TPRG1: variants seen among roughly 807,000 people sequenced by gnomAD.
TPRG1 encodes the protein tumor protein p63 regulated 1.
A neutral mutation model predicts 29.3 loss-of-function variants in TPRG1; 29 were observed. That is an observed-to-expected ratio of 0.99 (90% CI 0.74 to 1.35). The LOEUF (loss-of-function observed/expected upper bound fraction) is 1.35. Ranked by LOEUF, TPRG1 falls within the 40% of genes most tolerant of loss-of-function variation. TPRG1 has a pLI of 0.00. For missense variants in TPRG1, 327 were observed against 335.0 expected (o/e 0.98, Z 0.19); for synonymous variants, 130 against 116.8 (o/e 1.11, Z -0.73).
chr3:189,009,902 T>A (rs2152122546), intron 3 of TPRG1, among the ~76,000 whole-genome samples: 1 of 152,020 alleles, frequency 6.6e-6, no homozygotes, highest in East Asian at 1.9e-4. Context: ...ATCACCCAGG[T>A]ATCAAGCCCA....
intron 1 of TPRG1, among the ~76,000 whole-genome samples, chr3:189,175,344 T>C (rs9850540): frequency 0.5 from 75,931 of 151,946 alleles, 19,192 homozygotes; most frequent in African/African-American, 0.57. Flanking sequence ...TCAATACTAT[T>C]TGAAGTATAT....
At chr3:189,186,345 T>G (rs1410081630) in intron 1 of TPRG1, among the ~76,000 whole-genome samples, 3 of 152,218 alleles carry the variant, frequency 2.0e-5, no homozygotes, top group African/African-American at 7.2e-5. Flanking sequence ...CTCTCTGAAG[T>G]GCTGATCTCA....
At chr3:189,147,958 C>G (rs2108590350) in intron 4 of TPRG1, among the ~76,000 whole-genome samples, 1 of 152,286 alleles carries the variant, frequency 6.6e-6, no homozygotes, top group South Asian at 2.1e-4. Context: ...GTTTCTCTGT[C>G]TTGGAACACA....
intron 4 of TPRG1, among the ~76,000 whole-genome samples, chr3:189,064,282 A>G (rs770020353): frequency 3.5e-4 from 53 of 152,136 alleles, no homozygotes; most frequent in Non-Finnish European, 6.0e-4. Flanking sequence ...TCAAGGTCCC[A>G]AGTGTTTAAA....
chr3:189,165,132 G>A (rs1431498824), intron 5 of TPRG1, among the ~76,000 whole-genome samples: 6 of 152,112 alleles, frequency 3.9e-5, no homozygotes, highest in African/African-American at 1.4e-4. Context: ...TTGGGATGGA[G>A]GGTAATGAAA....
At chr3:189,161,235 G>A (rs1158937255) in intron 5 of TPRG1, among the ~76,000 whole-genome samples, 1 of 152,218 alleles carries the variant, frequency 6.6e-6, no homozygotes, top group East Asian at 1.9e-4. Context: ...GTTAGGGCTG[G>A]AGGGAACAGG....
At chr3:189,267,973 T>A (rs1236595473) in intron 4 of TPRG1, among the ~76,000 whole-genome samples, 1 of 152,124 alleles carries the variant, frequency 6.6e-6, no homozygotes, top group African/African-American at 2.4e-5. Context: ...TGCCTGATCT[T>A]GGTGTGGAAA....
At chr3:189,211,227 T>A (rs1289985275) in intron 2 of TPRG1, among the ~76,000 whole-genome samples, 1 of 152,224 alleles carries the variant, frequency 6.6e-6, no homozygotes, top group African/African-American at 2.4e-5. Context: ...GGGAATATAC[T>A]ATAATTTATT....
At chr3:189,093,647 T>G (rs959085777) in intron 4 of TPRG1, among the ~76,000 whole-genome samples, 6 of 152,232 alleles carry the variant, frequency 3.9e-5, no homozygotes, top group Admixed American at 2.6e-4. Flanking sequence ...GCTATTTCCT[T>G]TCATTTTCAG....
At chr3:189,136,766 C>T (rs1404243128) in intron 3 of TPRG1, among the ~76,000 whole-genome samples, 1 of 152,108 alleles carries the variant, frequency 6.6e-6, no homozygotes, top group Non-Finnish European at 1.5e-5. Flanking sequence ...AGATAAATGA[C>T]TCTTCAGTTT....
At chr3:189,086,251 C>T (rs560069990) in intron 4 of TPRG1, among the ~76,000 whole-genome samples, 7 of 152,238 alleles carry the variant, frequency 4.6e-5, no homozygotes, top group Admixed American at 1.3e-4. Context: ...CTAGTCCTTC[C>T]GCATTCCTCT....
intron 1 of TPRG1, among the ~76,000 whole-genome samples, chr3:189,125,367 G>A (rs1722331468): frequency 1.3e-5 from 2 of 152,184 alleles, no homozygotes; most frequent in African/African-American, 4.8e-5. Flanking sequence ...CAAAAGAAAT[G>A]ATATAATAGA....
At chr3:189,139,979 G>C (rs114089831) in intron 3 of TPRG1, among the ~76,000 whole-genome samples, 1,774 of 152,224 alleles carry the variant, frequency 0.012, 18 homozygotes, top group Middle Eastern at 0.048. Context: ...TCTTCTATTG[G>C]ATCTTGACAA....
At chr3:189,121,157 A>G (rs2108505301) in intron 1 of TPRG1, 2 of 152,370 alleles carry the variant, frequency 1.3e-5, no homozygotes, top group East Asian at 3.9e-4. Context: ...TCAGTTAGGT[A>G]GATAAACCTG....
chr3:189,176,779 C>T (rs989070966), intron 1 of TPRG1, among the ~76,000 whole-genome samples: 6 of 152,034 alleles, frequency 3.9e-5, no homozygotes, highest in South Asian at 2.1e-4. Context: ...AGGCGTGGAA[C>T]GAACTGAGTG....
intron 1 of TPRG1, among the ~76,000 whole-genome samples, chr3:189,202,596 A>G (rs1257920039): frequency 1.3e-5 from 2 of 152,166 alleles, no homozygotes; most frequent in Admixed American, 6.5e-5. Flanking sequence ...AACAATTTAA[A>G]ACTTTTAAAT....
chr3:189,248,833 C>T (rs967207238), intron 4 of TPRG1, among the ~76,000 whole-genome samples: 1 of 150,932 alleles, frequency 6.6e-6, no homozygotes, highest in Non-Finnish European at 1.5e-5. Context: ...AATATGTTTA[C>T]CTTTAAATTG....
intron 4 of TPRG1, among the ~76,000 whole-genome samples, chr3:189,052,017 T>G (rs532715595): frequency 6.6e-6 from 1 of 152,340 alleles, no homozygotes; most frequent in African/African-American, 2.4e-5. Context: ...GGAAAAACTC[T>G]TCTAGACATT....
intron 4 of TPRG1, among the ~76,000 whole-genome samples, chr3:189,241,932 A>C (rs1383274566): frequency 1.3e-5 from 2 of 152,156 alleles, no homozygotes; most frequent in African/African-American, 4.8e-5. Flanking sequence ...TGTCTTTATC[A>C]GCAGTGTGAA....
Sources: gnomAD v4.1 joint callset for allele counts (sites outside exome capture counted in the v4.1 genomes callset) on GRCh38, gnomAD v4.1.1 for gene constraint, MANE v1.5 for transcripts, NCBI Gene and HGNC (gene_info 2026-07-23, HGNC 2026-07-21) for gene names.